LRGUK: variants seen among roughly 807,000 people sequenced by gnomAD.
LRGUK encodes leucine rich repeats and guanylate kinase domain containing.
In LRGUK, 65 loss-of-function variants were observed where a neutral mutation model predicts 76.0. The observed-to-expected ratio is 0.85, with a 90% confidence interval of 0.70 to 1.05. The LOEUF (loss-of-function observed/expected upper bound fraction) is 1.05, where lower values mean the gene tolerates loss of function less well. LRGUK is among the 50% of genes least tolerant of loss of function. The probability of loss-of-function intolerance (pLI) is 0.00; values close to 1 mark genes in which losing one functional copy is unlikely to be tolerated. For missense variants in LRGUK, 758 were observed against 732.8 expected (o/e 1.03, Z -0.40); for synonymous variants, 268 against 265.6 (o/e 1.01, Z -0.09).
intron 16 of LRGUK, among the ~76,000 whole-genome samples, chr7:134,223,871 C>G (rs1385166673): frequency 6.6e-6 from 1 of 152,174 alleles, no homozygotes; most frequent in East Asian, 1.9e-4. Context: ...ATCCTCTCAC[C>G]TCAGCCTCCC....
At chr7:134,146,702 G>T (rs1797984158) in intron 4 of LRGUK, among the ~76,000 whole-genome samples, 1 of 152,070 alleles carries the variant, frequency 6.6e-6, no homozygotes, top group South Asian at 2.1e-4. Context: ...CATTGGAGTT[G>T]TTTCTAAATT....
exon 15 of LRGUK, chr7:134,201,498 T>C (rs754961619): frequency 3.7e-6 from 6 of 1,613,788 alleles, no homozygotes; most frequent in African/African-American, 1.3e-5. Flanking sequence ...GGATGTTGCC[T>C]ACCAAAAACT....
chr7:134,141,897 G>A (rs1324997421), intron 3 of LRGUK, among the ~76,000 whole-genome samples: 1 of 152,168 alleles, frequency 6.6e-6, no homozygotes, highest in Non-Finnish European at 1.5e-5. Context: ...TTTACATTTA[G>A]TAAGGAAGGG....
chr7:134,263,886 C>A (rs763519232), exon 20 of LRGUK: 4 of 1,611,726 alleles, frequency 2.5e-6, no homozygotes, highest in Non-Finnish European at 3.4e-6. Context: ...AGAGTCTCAC[C>A]AACACAGACA....
chr7:134,163,331 A>T (rs1798831721), intron 6 of LRGUK, 66 bp from the exon 7 acceptor site: 1 of 1,446,078 alleles, frequency 6.9e-7, no homozygotes, highest in East Asian at 2.3e-5. Flanking sequence ...CCCAAATGAA[A>T]ACTTGCCATT....
At chr7:134,177,880 G>T (rs1335549618) in intron 9 of LRGUK, among the ~76,000 whole-genome samples, 1 of 152,138 alleles carries the variant, frequency 6.6e-6, no homozygotes, top group Non-Finnish European at 1.5e-5. Context: ...TTAAAACCAT[G>T]TATTAAGTAA....
At chr7:134,275,968 C>T in the LRGUK span, among the ~76,000 whole-genome samples, 1 of 152,128 alleles carries the variant, frequency 6.6e-6, no homozygotes, top group East Asian at 1.9e-4. Flanking sequence ...ATGAAGCTTC[C>T]TGGTAGCCAA....
chr7:134,261,801 A>G (rs1456865058), intron 19 of LRGUK, among the ~76,000 whole-genome samples: 1 of 152,158 alleles, frequency 6.6e-6, no homozygotes, highest in Non-Finnish European at 1.5e-5. Flanking sequence ...CAACCCTACC[A>G]TTGTAGCGTG....
At chr7:134,256,689 C>T (rs546473059) in intron 18 of LRGUK, among the ~76,000 whole-genome samples, 2 of 152,216 alleles carry the variant, frequency 1.3e-5, no homozygotes, top group African/African-American at 4.8e-5. Flanking sequence ...CCCCACCTTC[C>T]CCCTTTTCTA....
intron 2 of LRGUK, among the ~76,000 whole-genome samples, chr7:134,138,760 C>T (rs1428681137): frequency 6.6e-6 from 1 of 152,148 alleles, no homozygotes; most frequent in Non-Finnish European, 1.5e-5. Context: ...TCCCCTCAAC[C>T]TCATCTGAAG....
At chr7:134,159,094 T>C (rs554246693) in intron 6 of LRGUK, among the ~76,000 whole-genome samples, 84 of 152,168 alleles carry the variant, frequency 5.5e-4, no homozygotes, top group African/African-American at 2.0e-3. Flanking sequence ...TCGCAGCACT[T>C]TGGGAGGCTG....
At chr7:134,200,481 G>T (rs1053372410) in intron 14 of LRGUK, among the ~76,000 whole-genome samples, 1 of 152,046 alleles carries the variant, frequency 6.6e-6, no homozygotes, top group Non-Finnish European at 1.5e-5. Context: ...CATAATTTAT[G>T]TAAAAAAATT....
chr7:134,183,456 T>C (rs564464457), intron 10 of LRGUK, among the ~76,000 whole-genome samples: 33 of 152,370 alleles, frequency 2.2e-4, no homozygotes, highest in African/African-American at 7.7e-4. Flanking sequence ...AATATTTCAC[T>C]CTAGCCATCA....
intron 9 of LRGUK, among the ~76,000 whole-genome samples, chr7:134,178,079 A>T (rs1799557979): frequency 6.6e-6 from 1 of 152,184 alleles, no homozygotes; most frequent in Non-Finnish European, 1.5e-5. Flanking sequence ...TGAGGAAAAC[A>T]TTCCGCATGC....
rs143006478 is a variant in LRGUK, at chr7:134,259,776, T to G, written c.2347+1371T>G. Among the ~76,000 whole-genome samples, 586 of 152,110 alleles carry G rather than the reference T, an allele frequency of 3.9e-3. 7 individuals are homozygous for G. Among genetic ancestry groups the G allele is most frequent in the African/African-American group, 0.013 (531 of 41,502 alleles). ...GGCCTTCATGTCAGCTCGCAGGAAG[T>G]GGGAAATGTTCTAGGAATTCTGTAA... On this transcript the variant is annotated intron_variant, in intron 19 of 19. Coordinates refer to the LRGUK transcript ENST00000285928.
At chr7:134,217,708 CTT>C (rs1441256565) in intron 15 of LRGUK, among the ~76,000 whole-genome samples, 2 of 152,078 alleles carry the variant, frequency 1.3e-5, no homozygotes, top group African/African-American at 2.4e-5. Context: ...ATGAACTAAA[CTT>C]TTGTCTTAAT....
intron 5 of LRGUK, among the ~76,000 whole-genome samples, chr7:134,148,682 T>A (rs1798078465): frequency 6.6e-6 from 1 of 152,152 alleles, no homozygotes; most frequent in Non-Finnish European, 1.5e-5. Context: ...TCCTAGCACT[T>A]TGGGAGGCCA....
the LRGUK span, among the ~76,000 whole-genome samples, chr7:134,276,417 GT>G: frequency 1.2e-4 from 18 of 152,218 alleles, 3 homozygotes; most frequent in South Asian, 3.3e-3. Flanking sequence ...ACTCCGCTCT[GT>G]TTCTTCATCT....
downstream of LRGUK, among the ~76,000 whole-genome samples, chr7:134,265,059 G>A (rs35213787): frequency 6.6e-6 from 1 of 152,112 alleles, no homozygotes. Flanking sequence ...GGGTTGGTGA[G>A]GGTGGAGCGG....
Sources: allele counts gnomAD v4.1 joint callset (sites outside exome capture counted in the v4.1 genomes callset), GRCh38; gene constraint gnomAD v4.1.1; transcripts MANE v1.5; gene names NCBI Gene and HGNC (gene_info 2026-07-23, HGNC 2026-07-21).